Variants in ALDH1A2 observed in about 807,000 individuals in gnomAD.
The protein encoded by ALDH1A2 is aldehyde dehydrogenase 1 family member A2.
ALDH1A2 carries 27 observed loss-of-function variants against 60.3 expected under a neutral mutation model. That is an observed-to-expected ratio of 0.45 (90% CI 0.33 to 0.62). The LOEUF (loss-of-function observed/expected upper bound fraction) is 0.62, where lower values mean the gene tolerates loss of function less well. Among genes scored for constraint, ALDH1A2 ranks in the 20% least tolerant of loss-of-function variants. The probability of loss-of-function intolerance (pLI) is 0.02; values close to 1 mark genes in which losing one functional copy is unlikely to be tolerated. For synonymous variants in ALDH1A2, 289 were observed against 232.4 expected (o/e 1.24, Z -2.21); for missense variants, 581 against 643.8 (o/e 0.90, Z 1.06).
At chr15:58,019,676 T>C (rs1488638007) in intron 1 of ALDH1A2, among the ~76,000 whole-genome samples, 4 of 152,194 alleles carry the variant, frequency 2.6e-5, no homozygotes, top group Non-Finnish European at 4.4e-5. Flanking sequence ...TTCTTTCCAT[T>C]GTGGTTGTGA....
intron 4 of ALDH1A2, among the ~76,000 whole-genome samples, chr15:58,010,123 T>C (rs1895582386): frequency 1.3e-5 from 2 of 152,180 alleles, no homozygotes; most frequent in Admixed American, 1.3e-4. Flanking sequence ...GTTGTTTGTA[T>C]AGATTATGAA....
chr15:57,986,976 G>C (rs1183184623), intron 7 of ALDH1A2, among the ~76,000 whole-genome samples: 2 of 152,150 alleles, frequency 1.3e-5, no homozygotes, highest in Non-Finnish European at 2.9e-5. Context: ...TTGTAAAATA[G>C]ATGTCTACAC....
intron 1 of ALDH1A2, among the ~76,000 whole-genome samples, chr15:58,059,541 C>T (rs1896971219): frequency 6.6e-6 from 1 of 152,162 alleles, no homozygotes; most frequent in Admixed American, 6.5e-5. Context: ...TGCATACTTC[C>T]CACATTTATG....
chr15:58,006,090 T>C (rs1895445286), intron 4 of ALDH1A2, among the ~76,000 whole-genome samples: 1 of 151,778 alleles, frequency 6.6e-6, no homozygotes, highest in Non-Finnish European at 1.5e-5. Flanking sequence ...ATAAGTTCTT[T>C]AGCAGTGGTT....
In ALDH1A2 at chr15:58,004,313, C is replaced by T. The variant is rs536441286; in HGVS notation, c.493+6336G>A. On this transcript the variant is annotated intron_variant, in intron 4 of 12. Transcript: ENST00000249750. ...TGATTATCCATTTGTAGTCAAAGTG[C>T]TCTTTCTAAAATGCAATTTTTCAAA... 4.6e-5 allele frequency among the ~76,000 whole-genome samples: 7 copies of T among 151,922 alleles called. 1 individual carries two copies. In the South Asian group the frequency reaches 1.5e-3, roughly 32 times the overall value.
chr15:57,979,283 GA>G (rs113289807), intron 7 of ALDH1A2, among the ~76,000 whole-genome samples: 8 of 150,634 alleles, frequency 5.3e-5, no homozygotes, highest in African/African-American at 9.8e-5. Flanking sequence ...CATTCCTCAG[GA>G]AAAAAAAATG....
At chr15:58,032,819 C>T (rs554495787) in intron 1 of ALDH1A2, among the ~76,000 whole-genome samples, 2 of 150,026 alleles carry the variant, frequency 1.3e-5, no homozygotes, top group Admixed American at 6.6e-5. Flanking sequence ...CACACACGTG[C>T]GTACCCAACG....
intron 7 of ALDH1A2, among the ~76,000 whole-genome samples, chr15:57,972,601 G>C (rs1409713856): frequency 7.2e-5 from 11 of 152,134 alleles, no homozygotes; most frequent in African/African-American, 2.4e-4. Context: ...AGCATAGTTA[G>C]AGAATAAATC....
intron 1 of ALDH1A2, among the ~76,000 whole-genome samples, chr15:58,020,872 T>G (rs1450377903): frequency 2.0e-5 from 3 of 152,210 alleles, no homozygotes; most frequent in Non-Finnish European, 2.9e-5. Flanking sequence ...GGTGGATTTA[T>G]CAACATATTC....
chr15:57,977,657 A>G (rs1280679140), intron 7 of ALDH1A2, among the ~76,000 whole-genome samples: 1 of 152,184 alleles, frequency 6.6e-6, no homozygotes, highest in Non-Finnish European at 1.5e-5. Flanking sequence ...TGATGCCTCC[A>G]GCTTTGTTCT....
At chr15:58,054,746 A>G (rs1896854247) in intron 1 of ALDH1A2, among the ~76,000 whole-genome samples, 1 of 152,134 alleles carries the variant, frequency 6.6e-6, no homozygotes, top group Non-Finnish European at 1.5e-5. Flanking sequence ...AAAAGAAAAC[A>G]CTTTTTGAAT....
chr15:58,048,712 C>T (rs981821215), intron 1 of ALDH1A2, among the ~76,000 whole-genome samples: 3 of 152,020 alleles, frequency 2.0e-5, no homozygotes, highest in Non-Finnish European at 1.5e-5. Context: ...CACAACAGAT[C>T]TAAAATGTCC....
At chr15:57,974,648 A>G (rs1415350220) in intron 7 of ALDH1A2, among the ~76,000 whole-genome samples, 1 of 152,150 alleles carries the variant, frequency 6.6e-6, no homozygotes. Context: ...GCCTAAATGT[A>G]AAACACAAAA....
chr15:57,965,936 A>G (rs1416263802), intron 7 of ALDH1A2, 109 bp from the exon 8 acceptor site: 13 of 821,808 alleles, frequency 1.6e-5, no homozygotes, highest in Non-Finnish European at 2.5e-5. Context: ...AAACCCTAAA[A>G]GGCAAGCCAA....
At chr15:57,958,214 G>GCGTACACACACACACA (rs67551670) in intron 12 of ALDH1A2, among the ~76,000 whole-genome samples, 1 of 151,700 alleles carries the variant, frequency 6.6e-6, no homozygotes, top group Non-Finnish European at 1.5e-5. Context: ...GTACACGCAC[G>GCGTACACACACACACA]CACACACACA....
At chr15:57,971,141 C>G (rs1006049207) in intron 7 of ALDH1A2, among the ~76,000 whole-genome samples, 2 of 152,222 alleles carry the variant, frequency 1.3e-5, no homozygotes, top group Non-Finnish European at 2.9e-5. Context: ...ACCCACGACT[C>G]TAGGCACACA....
At chr15:58,034,838 A>G (rs144126114) in intron 1 of ALDH1A2, among the ~76,000 whole-genome samples, 278 of 151,696 alleles carry the variant, frequency 1.8e-3, no homozygotes, top group African/African-American at 6.1e-3. Context: ...GTTATGGTGT[A>G]TAATTCTTTT....
At chr15:58,001,325 C>T (rs1321365441) in intron 4 of ALDH1A2, among the ~76,000 whole-genome samples, 1 of 151,818 alleles carries the variant, frequency 6.6e-6, no homozygotes, top group Non-Finnish European at 1.5e-5. Context: ...GGTGGATAAT[C>T]ACAAATCACA....
intron 7 of ALDH1A2, among the ~76,000 whole-genome samples, chr15:57,970,590 C>A (rs181348726): frequency 6.6e-6 from 1 of 152,298 alleles, no homozygotes; most frequent in Admixed American, 6.5e-5. Context: ...TTCATGCCCT[C>A]TTTATTCAGG....
Sources: allele counts gnomAD v4.1 joint callset (sites outside exome capture counted in the v4.1 genomes callset), GRCh38; gene constraint gnomAD v4.1.1; transcripts MANE v1.5; gene names NCBI Gene and HGNC (gene_info 2026-07-23, HGNC 2026-07-21).